PREX2: variants seen among roughly 807,000 people sequenced by gnomAD.
PREX2 encodes the protein phosphatidylinositol-3,4,5-trisphosphate dependent Rac exchange factor 2, also known as phosphatidylinositol 3,4,5-trisphosphate-dependent Rac exchanger 2 protein.
PREX2 carries 107 observed loss-of-function variants against 203.2 expected under a neutral mutation model. That is an observed-to-expected ratio of 0.53 (90% CI 0.45 to 0.62). The LOEUF is 0.62. Among genes scored for constraint, PREX2 ranks in the 20% least tolerant of loss-of-function variants. The probability of loss-of-function intolerance (pLI) is 0.00; values close to 1 mark genes in which losing one functional copy is unlikely to be tolerated. For missense variants in PREX2, 1,777 were observed against 1,955.9 expected (o/e 0.91, Z 1.72); for synonymous variants, 672 against 663.6 (o/e 1.01, Z -0.19).
chr8:67,995,837 T>C (rs183835810), intron 1 of PREX2, among the ~76,000 whole-genome samples: 1 of 152,290 alleles, frequency 6.6e-6, no homozygotes, highest in East Asian at 1.9e-4. Context: ...TTTTTCTTGG[T>C]CAAATTCCAA....
At chr8:68,142,509 G>A (rs986173967) in intron 33 of PREX2, among the ~76,000 whole-genome samples, 1 of 152,136 alleles carries the variant, frequency 6.6e-6, no homozygotes, top group Non-Finnish European at 1.5e-5. Context: ...TCCATTGGCT[G>A]GATGTACCAC....
chr8:68,062,648 G>T (rs1019772057), intron 11 of PREX2, among the ~76,000 whole-genome samples: 5 of 152,116 alleles, frequency 3.3e-5, no homozygotes, highest in Non-Finnish European at 7.4e-5. Flanking sequence ...ACAGAGCTGT[G>T]AATGAAAAGA....
intron 1 of PREX2, among the ~76,000 whole-genome samples, chr8:67,962,240 C>G (rs1229343399): frequency 6.6e-6 from 1 of 152,096 alleles, no homozygotes; most frequent in Non-Finnish European, 1.5e-5. Context: ...AATGTTTTCC[C>G]TTGGTGCCTT....
chr8:68,018,131 G>GT (rs111503892), intron 2 of PREX2, among the ~76,000 whole-genome samples: 1,830 of 148,710 alleles, frequency 0.012, 26 homozygotes, highest in African/African-American at 0.038. Context: ...TCATAGAGTT[G>GT]TTTTTTTTTT....
At chr8:68,086,573 A>G (rs1809698960) in intron 18 of PREX2, among the ~76,000 whole-genome samples, 1 of 152,120 alleles carries the variant, frequency 6.6e-6, no homozygotes, top group Non-Finnish European at 1.5e-5. Flanking sequence ...CGGCTGCGAT[A>G]TCATACTTGT....
intron 37 of PREX2, among the ~76,000 whole-genome samples, chr8:68,217,245 A>G (rs1191499409): frequency 2.6e-5 from 4 of 152,220 alleles, no homozygotes; most frequent in African/African-American, 7.2e-5. Context: ...TCTATTAACT[A>G]TCAATATGTA....
intron 1 of PREX2, among the ~76,000 whole-genome samples, chr8:67,985,240 A>G (rs922835797): frequency 1.3e-5 from 2 of 152,164 alleles, no homozygotes; most frequent in African/African-American, 4.8e-5. Flanking sequence ...CTGCCAACCT[A>G]ATTAACAGAT....
chr8:68,216,059 A>G (rs1490654579), intron 37 of PREX2, among the ~76,000 whole-genome samples: 1 of 152,218 alleles, frequency 6.6e-6, no homozygotes, highest in African/African-American at 2.4e-5. Flanking sequence ...CTGCCTCTCA[A>G]GTCATTTAAC....
chr8:68,219,718 A>T (rs1327311621), intron 38 of PREX2, among the ~76,000 whole-genome samples: 3 of 152,112 alleles, frequency 2.0e-5, no homozygotes, highest in Admixed American at 6.6e-5. Context: ...GGCCCCAGAG[A>T]TTTCTTCAAC....
At chr8:68,159,226 T>C (rs759804120) in intron 35 of PREX2, among the ~76,000 whole-genome samples, 6 of 152,202 alleles carry the variant, frequency 3.9e-5, no homozygotes, top group Non-Finnish European at 5.9e-5. Context: ...TAGAATCTAA[T>C]AACCGGCATA....
chr8:68,075,234 A>G (rs1238128536), intron 14 of PREX2, among the ~76,000 whole-genome samples: 3 of 152,220 alleles, frequency 2.0e-5, no homozygotes, highest in Admixed American at 2.0e-4. Flanking sequence ...TTTTTACACC[A>G]TTATGTTCAA....
chr8:68,017,969 A>G (rs1563502205), intron 2 of PREX2, 52 bp downstream of exon 2: 1 of 1,438,514 alleles, frequency 7.0e-7, no homozygotes. Context: ...CTATAGATAA[A>G]TTTTGCTGGT....
At chr8:68,031,211 T>C (rs1200894900) in intron 6 of PREX2, among the ~76,000 whole-genome samples, 1 of 152,206 alleles carries the variant, frequency 6.6e-6, no homozygotes, top group African/African-American at 2.4e-5. Flanking sequence ...GTTCAAAATC[T>C]GTAAAATGTT....
At chr8:68,068,650 C>T (rs1294461551) in intron 11 of PREX2, among the ~76,000 whole-genome samples, 1 of 151,946 alleles carries the variant, frequency 6.6e-6, no homozygotes, top group Non-Finnish European at 1.5e-5. Flanking sequence ...TTGAGGGGCA[C>T]TTTTTGCTCA....
At chr8:68,105,247 A>C (rs753033249) in intron 23 of PREX2, 1 of 1,367,632 alleles carries the variant, frequency 7.3e-7, no homozygotes, top group African/African-American at 1.5e-5. Context: ...GTGACTATGG[A>C]GTTCCTCCTG....
chr8:68,124,168 A>G (rs972678444), intron 30 of PREX2, among the ~76,000 whole-genome samples: 4 of 152,076 alleles, frequency 2.6e-5, no homozygotes, highest in South Asian at 2.1e-4. Context: ...AAATCATTCT[A>G]TCATAAAGAT....
intron 37 of PREX2, among the ~76,000 whole-genome samples, chr8:68,211,565 G>A (rs1335779297): frequency 6.6e-6 from 1 of 152,184 alleles, no homozygotes; most frequent in Non-Finnish European, 1.5e-5. Flanking sequence ...TATGAGGTCA[G>A]TACACCTGCT....
In PREX2 at chr8:68,007,248, CTTAT is replaced by C. The variant is rs573708806; in HGVS notation, c.142-10594_142-10591del. On this transcript the variant is annotated intron_variant, in intron 1 of 39. Transcript: ENST00000288368. Reference sequence around the variant, plus strand: ...GTTATCCTAGGTTTTCACAGTTGAGCTTATTTAGTTTTTCTCATATTTCTTGAAT... The same window carrying C: ...GTTATCCTAGGTTTTCACAGTTGAGCTTAGTTTTTCTCATATTTCTTGAAT... Among the ~76,000 whole-genome samples, 22 of 152,224 alleles carry C rather than the reference CTTAT, an allele frequency of 1.4e-4. No homozygotes were observed. The South Asian group carries it at 4.6e-3, about 32-fold the overall frequency.
At chr8:67,958,725 G>A (rs895793958) in intron 1 of PREX2, among the ~76,000 whole-genome samples, 1 of 152,132 alleles carries the variant, frequency 6.6e-6, no homozygotes, top group African/African-American at 2.4e-5. Context: ...TTTTTGGGTA[G>A]AAGCTTTAAT....
Sources: gnomAD v4.1 joint callset for allele counts (sites outside exome capture counted in the v4.1 genomes callset) on GRCh38, gnomAD v4.1.1 for gene constraint, MANE v1.5 for transcripts, NCBI Gene and HGNC (gene_info 2026-07-23, HGNC 2026-07-21) for gene names.